The following DST variants were observed in gnomAD, a reference collection of about 807,000 sequenced individuals.
DST encodes the protein bullous pemphigoid antigen.
Under a neutral mutation model 875.2 loss-of-function variants are expected in DST, and 253 were observed. The ratio of observed to expected loss-of-function variants is 0.29; its 90% CI spans 0.26 to 0.32. The LOEUF (loss-of-function observed/expected upper bound fraction) is 0.32. DST is among the 10% of genes least tolerant of loss of function. DST has a pLI of 1.00. For synonymous variants in DST, 3,124 were observed against 3,197.1 expected, an observed-to-expected ratio of 0.98 and a Z score of 0.77; for missense variants, 8,287 against 9,111.6, an observed-to-expected ratio of 0.91 and a Z score of 3.68.
At chr6:56,541,918 T>C (rs926658258) in intron 61 of DST, among the ~76,000 whole-genome samples, 5 of 152,200 alleles carry the variant, frequency 3.3e-5, no homozygotes, top group African/African-American at 1.2e-4. Flanking sequence ...CACTTAACAG[T>C]GGCTCAAACA....
At chr6:56,575,405 G>C (rs1246331514) in intron 50 of DST, among the ~76,000 whole-genome samples, 1 of 152,164 alleles carries the variant, frequency 6.6e-6, no homozygotes, top group African/African-American at 2.4e-5. Flanking sequence ...AAACTCACAA[G>C]AGCACATGCT....
chr6:56,625,166 A>G lies in DST; in HGVS notation c.4821T>C (p.Ile1607=), dbSNP rs1402599244. ...RRRMQSSADL[I]IQEFMDLRTR... ...CTCATACTTTTATTACCTCTTGAAT[A>G]ATGAGATCTGCTGAACTCTGCATTC... Residue 1607 remains isoleucine, a synonymous_variant, in exon 35 of 104, where the codon ATT becomes ATC. Coordinates refer to ENST00000680361, the MANE Select transcript of DST (RefSeq NM_001374736.1). The G allele has an allele frequency of 6.2e-7, 1 of 1,609,220 alleles. No individual in the cohort carries two copies. The highest frequency in any genetic ancestry group is 8.5e-7 in the Non-Finnish European group (1 of 1,175,648).
intron 3 of DST, chr6:56,861,901 G>A (rs1325462100): frequency 1.3e-5 from 2 of 152,232 alleles, no homozygotes; most frequent in African/African-American, 4.8e-5. Flanking sequence ...GGAGACCGGG[G>A]AGTCAGAACC....
intron 3 of DST, among the ~76,000 whole-genome samples, chr6:56,860,823 C>T (rs1770752463): frequency 6.6e-6 from 1 of 152,168 alleles, no homozygotes. Context: ...TCTCAGGATA[C>T]AAAGTCCATG....
chr6:56,859,377 A>T (rs1054546884), intron 3 of DST, among the ~76,000 whole-genome samples: 5 of 152,310 alleles, frequency 3.3e-5, no homozygotes, highest in South Asian at 2.1e-4. Context: ...TGTAAAAAAA[A>T]TTTTCAAAAA....
At chr6:56,737,718 A>G (rs989103427) in intron 4 of DST, among the ~76,000 whole-genome samples, 6 of 152,222 alleles carry the variant, frequency 3.9e-5, no homozygotes, top group African/African-American at 1.4e-4. Context: ...GCACTGCTCT[A>G]AAACAAAGCT....
intron 4 of DST, among the ~76,000 whole-genome samples, chr6:56,841,135 G>T (rs765876665): frequency 6.6e-6 from 1 of 152,140 alleles, no homozygotes; most frequent in Non-Finnish European, 1.5e-5. Context: ...AGTCCCCACA[G>T]CAAGTCACCA....
chr6:56,587,620 A>G (rs1585776847), intron 49 of DST, among the ~76,000 whole-genome samples: 2 of 152,296 alleles, frequency 1.3e-5, no homozygotes, highest in South Asian at 4.1e-4. Flanking sequence ...CAGATTCACC[A>G]AAGTTGAAAT....
At chr6:56,938,108 C>CTCTCTCTCTCTCTATATA (rs1383243392) in intron 2 of DST, among the ~76,000 whole-genome samples, 67 of 120,742 alleles carry the variant, frequency 5.5e-4, no homozygotes, top group African/African-American at 2.2e-3. Context: ...CTCTCTCTCT[C>CTCTCTCTCTCTCTATATA]TATATATATA....
In DST at chr6:56,840,895, G is replaced by A. The variant is rs181183489; in HGVS notation, c.625+10502C>T. Reference sequence around the variant, plus strand: ...CCACCACTTACACTACTCAACAGCTGAGGCATATGATAACTTGGCAACCTG... The same window carrying A: ...CCACCACTTACACTACTCAACAGCTAAGGCATATGATAACTTGGCAACCTG... On this transcript the variant is annotated intron_variant, in intron 4 of 103. Coordinates refer to ENST00000680361, the MANE Select transcript of DST (RefSeq NM_001374736.1). 2.5e-4 allele frequency among the ~76,000 whole-genome samples: 38 copies of A among 152,298 alleles called. No homozygotes were observed. In the East Asian group the frequency reaches 6.9e-3, roughly 28 times the overall value.
chr6:56,666,406 A>G (rs2099072494), intron 10 of DST, among the ~76,000 whole-genome samples: 1 of 152,202 alleles, frequency 6.6e-6, no homozygotes, highest in Admixed American at 6.5e-5. Flanking sequence ...CCTATCACAT[A>G]TAATACTGGT....
At chr6:56,501,777 C>T (rs1368310971) in intron 78 of DST, 84 bp from the exon 79 acceptor site, 4 of 980,568 alleles carry the variant, frequency 4.1e-6, no homozygotes, top group Non-Finnish European at 5.8e-6. Context: ...TATCATTATT[C>T]TAATTCACAC....
At chr6:56,625,896 G>C (rs191732154) in intron 34 of DST, among the ~76,000 whole-genome samples, 3 of 147,988 alleles carry the variant, frequency 2.0e-5, no homozygotes, top group Non-Finnish European at 4.5e-5. Context: ...CAATGATATT[G>C]ATGATCTTGA....
chr6:56,576,011 C>T (rs1376837344), intron 50 of DST, among the ~76,000 whole-genome samples: 3 of 152,150 alleles, frequency 2.0e-5, no homozygotes, highest in Non-Finnish European at 2.9e-5. Flanking sequence ...ACAGTTGGAA[C>T]TGTCACCCTG....
At chr6:56,703,141 T>C (rs1313183414) in intron 7 of DST, among the ~76,000 whole-genome samples, 1 of 152,188 alleles carries the variant, frequency 6.6e-6, no homozygotes, top group African/African-American at 2.4e-5. Flanking sequence ...TTTAAATACA[T>C]GTGATATATT....
In DST at chr6:56,608,483, C is replaced by T; in HGVS notation, c.6145G>A (p.Val2049Ile). Reference protein sequence around the residue: ...PAKRLTVDEAVQCDLITSSSA... With the variant: ...PAKRLTVDEAIQCDLITSSSA... Reference sequence around the variant, plus strand: ...CTGGAAGTTATTAAATCACACTGTACTGCTTCGTCTACAGTTAAACGCTTG... The same window carrying T: ...CTGGAAGTTATTAAATCACACTGTATTGCTTCGTCTACAGTTAAACGCTTG... The change falls in exon 40 of 104, where the codon GTA becomes ATA. Residue 2049 changes from valine (V) to isoleucine (I), a missense_variant. Coordinates refer to ENST00000680361, the MANE Select transcript of DST (RefSeq NM_001374736.1). The T allele has an allele frequency of 6.2e-7, 1 of 1,613,704 alleles. No individual in the cohort carries two copies. Among genetic ancestry groups the T allele is most frequent in the Non-Finnish European group, 8.5e-7 (1 of 1,179,764 alleles).
chr6:56,463,123 G>C lies in DST; in HGVS notation c.22993C>G (p.Pro7665Ala), dbSNP rs756227570. 6 of 1,613,306 alleles carry C rather than the reference G, an allele frequency of 3.7e-6. No homozygotes were observed. The highest frequency in any genetic ancestry group is 4.2e-6 in the Non-Finnish European group (5 of 1,179,422). Residue 7665 changes from proline (P) to alanine (A), a missense_variant, in exon 102 of 104, where the codon CCA becomes GCA. Transcript: ENST00000680361. ...LHPLTRNYGK[P>A]WLTNSKMSTP... ...GACATTTTGCTGTTTGTCAACCATGGTTTACCATAATTGCGTGTTAAAGGA... is the reference window on the plus strand; with the variant it reads ...GACATTTTGCTGTTTGTCAACCATGCTTTACCATAATTGCGTGTTAAAGGA...
At chr6:56,933,216 T>C (rs950005877) in intron 2 of DST, among the ~76,000 whole-genome samples, 3 of 152,146 alleles carry the variant, frequency 2.0e-5, no homozygotes, top group African/African-American at 4.8e-5. Flanking sequence ...CCTTAACCAA[T>C]TGCAAAACAG....
At position 56,605,695 on chromosome 6, in the gene DST, C is replaced by T. The variant is rs1249603660; in HGVS notation, c.8933G>A (p.Gly2978Asp). ...ELPELTDSVK[G>D]KDEYFKNMTP... ...CATATTCTTAAAATATTCATCTTTA[C>T]CTTTCACAGAATCAGTCAATTCTGG... The change falls in exon 40 of 104, where the codon GGT becomes GAT. Residue 2978 changes from glycine (G) to aspartate (D), a missense_variant. By Grantham distance (94) the Gly-to-Asp change is moderately conservative (BLOSUM62 -1). Transcript: ENST00000680361. The T allele has an allele frequency of 6.2e-7, 1 of 1,612,908 alleles. No individual in the cohort carries two copies.
Sources: gnomAD v4.1 joint callset for allele counts (sites outside exome capture counted in the v4.1 genomes callset) on GRCh38, gnomAD v4.1.1 for gene constraint, MANE v1.5 for transcripts, NCBI Gene and HGNC (gene_info 2026-07-23, HGNC 2026-07-21) for gene names.